Variants in COMMD10 observed in about 807,000 individuals in gnomAD.
The protein encoded by COMMD10 is COMM domain containing 10.
Under a neutral mutation model 28.9 loss-of-function variants are expected in COMMD10, and 33 were observed. The observed-to-expected ratio is 1.14, with a 90% CI of 0.87 to 1.53. COMMD10 has a LOEUF of 1.53. Ranked by LOEUF, COMMD10 falls within the 40% of genes most tolerant of loss-of-function variation. The pLI is 0.00. For synonymous variants in COMMD10, 110 were observed against 81.7 expected (o/e 1.35, Z -1.87); for missense variants, 310 against 233.4 (o/e 1.33, Z -2.14).
At chr5:116,179,267 A>T (rs1322805384) in intron 5 of COMMD10, among the ~76,000 whole-genome samples, 1 of 152,142 alleles carries the variant, frequency 6.6e-6, no homozygotes, top group Non-Finnish European at 1.5e-5. Flanking sequence ...GTGGGAGTTA[A>T]ATAATTTTAA....
intron 5 of COMMD10, among the ~76,000 whole-genome samples, chr5:116,161,728 A>G (rs1752925210): frequency 6.6e-6 from 1 of 152,186 alleles, no homozygotes; most frequent in Admixed American, 6.5e-5. Context: ...CATCCTCATC[A>G]TCTTCATGTT....
chr5:116,193,116 A>G (rs1251370721), intron 5 of COMMD10, among the ~76,000 whole-genome samples: 1 of 152,222 alleles, frequency 6.6e-6, no homozygotes, highest in Admixed American at 6.5e-5. Flanking sequence ...ATGCTGCGTG[A>G]ATTCACCATT....
chr5:116,155,886 A>C (rs1345976280), intron 5 of COMMD10, among the ~76,000 whole-genome samples: 1 of 152,084 alleles, frequency 6.6e-6, no homozygotes, highest in Admixed American at 6.6e-5. Flanking sequence ...TTAATATATC[A>C]CATTTATTAA....
At chr5:116,127,487 A>G (rs1188605378) in intron 4 of COMMD10, among the ~76,000 whole-genome samples, 2 of 152,088 alleles carry the variant, frequency 1.3e-5, no homozygotes, top group Admixed American at 1.3e-4. Flanking sequence ...GCATGTTTAT[A>G]GTGGCACTAT....
chr5:116,291,312 G>A (rs1580366768), intron 5 of COMMD10, among the ~76,000 whole-genome samples: 1 of 152,166 alleles, frequency 6.6e-6, no homozygotes, highest in African/African-American at 2.4e-5. Context: ...AAGGACAGAT[G>A]TCTGTAGAAT....
At position 116,261,049 on chromosome 5, in the gene COMMD10, C is replaced by T. The variant is rs1329935666; in HGVS notation, c.511-30468C>T. Reference sequence around the variant, plus strand: ...CTCTTTTACTTTTTTCTAGTAAAGCCAAGTCCTACTTGAGAGACATCAGTA... The same window carrying T: ...CTCTTTTACTTTTTTCTAGTAAAGCTAAGTCCTACTTGAGAGACATCAGTA... On this transcript the variant is annotated intron_variant, in intron 5 of 6. Coordinates refer to ENST00000274458, the MANE Select transcript of COMMD10 (RefSeq NM_016144.4). Among the ~76,000 whole-genome samples, 4 of 151,680 alleles carry T rather than the reference C, an allele frequency of 2.6e-5. 1 individual carries two copies. The highest frequency in any genetic ancestry group is 9.7e-5 in the African/African-American group (4 of 41,124).
At chr5:116,260,965 G>C (rs1750426679) in intron 5 of COMMD10, among the ~76,000 whole-genome samples, 1 of 151,702 alleles carries the variant, frequency 6.6e-6, no homozygotes, top group African/African-American at 2.4e-5. Flanking sequence ...ATTACTAACA[G>C]ATCTGTGCGA....
At chr5:116,145,867 A>G (rs1752334432) in intron 5 of COMMD10, among the ~76,000 whole-genome samples, 1 of 151,880 alleles carries the variant, frequency 6.6e-6, no homozygotes, top group African/African-American at 2.4e-5. Flanking sequence ...TTCTGCCATG[A>G]TTGTAAGTTT....
At chr5:116,145,286 C>A (rs1360328507) in intron 5 of COMMD10, among the ~76,000 whole-genome samples, 1 of 151,670 alleles carries the variant, frequency 6.6e-6, no homozygotes, top group Non-Finnish European at 1.5e-5. Context: ...TTTGTGATCA[C>A]GACTTTGAGA....
At chr5:116,114,938 T>TG (rs963626417) in intron 4 of COMMD10, among the ~76,000 whole-genome samples, 1 of 152,222 alleles carries the variant, frequency 6.6e-6, no homozygotes, top group African/African-American at 2.4e-5. Context: ...GCTCCCAAGC[T>TG]GGGGGCTGGA....
At chr5:116,132,172 T>G (rs1010903683) in intron 4 of COMMD10, among the ~76,000 whole-genome samples, 12 of 152,022 alleles carry the variant, frequency 7.9e-5, no homozygotes, top group African/African-American at 2.7e-4. Context: ...GGAAAATATT[T>G]GAAAAATATT....
intron 5 of COMMD10, among the ~76,000 whole-genome samples, chr5:116,205,558 A>G (rs1748789565): frequency 6.6e-6 from 1 of 152,158 alleles, no homozygotes; most frequent in African/African-American, 2.4e-5. Context: ...ATGCATATGT[A>G]TATATACATG....
At chr5:116,258,473 G>T (rs1750352238) in intron 5 of COMMD10, among the ~76,000 whole-genome samples, 1 of 151,106 alleles carries the variant, frequency 6.6e-6, no homozygotes, top group Non-Finnish European at 1.5e-5. Context: ...TACTGGAGTT[G>T]ATCATTTAAT....
chr5:116,261,032 C>G (rs1287744792), intron 5 of COMMD10, among the ~76,000 whole-genome samples: 1 of 151,614 alleles, frequency 6.6e-6, no homozygotes, highest in African/African-American at 2.4e-5. Flanking sequence ...TTCTCTTTTA[C>G]TTTTTTCTAG....
rs70978610 is a variant in COMMD10 at position 116,221,081 on chromosome 5, C to CTT, written c.511-70420_511-70419dup. Among the ~76,000 whole-genome samples the CTT allele has an allele frequency of 4.0e-3, 571 of 142,582 alleles. 4 individuals are homozygous for CTT. Among genetic ancestry groups the CTT allele is most frequent in the African/African-American group, 0.013 (499 of 38,308 alleles). The allele number at this position is 142,582 out of a possible 152,430, so 93.5% of individuals were successfully genotyped here. ...CATTAAGTTTTCCCTTTGAGATACTCTTTTTTTTTTTTTTTTTAACTGTTC... is the reference window on the plus strand; with the variant it reads ...CATTAAGTTTTCCCTTTGAGATACTCTTTTTTTTTTTTTTTTTTTAACTGTTC... On this transcript the variant is annotated intron_variant, in intron 5 of 6. Coordinates refer to ENST00000274458, the MANE Select transcript of COMMD10 (RefSeq NM_016144.4).
Position 116,087,620 on chromosome 5 carries a change from C to T in COMMD10, c.132+33C>T, listed in dbSNP as rs1003525816. On this transcript the variant is annotated intron_variant, in intron 2 of 6. Coordinates refer to ENST00000274458, the MANE Select transcript of COMMD10 (RefSeq NM_016144.4). ...TTTGTGTGTTTCCATGCCTTGTAAT[C>T]TTCCTTCTGATTTAATTGAAAGTCT... 3.7e-6 allele frequency: 5 copies of T among 1,369,710 alleles called. No individual in the cohort carries two copies. In the African/African-American group the frequency reaches 4.3e-5, roughly 12 times the overall value. 84.8% of individuals were successfully genotyped at this position (1,369,710 alleles called of 1,614,324 possible).
chr5:116,153,685 G>C (rs902496377), intron 5 of COMMD10, among the ~76,000 whole-genome samples: 4 of 151,956 alleles, frequency 2.6e-5, no homozygotes, highest in African/African-American at 4.8e-5. Context: ...GCTTAATAAA[G>C]TAGCTACTTT....
chr5:116,244,357 A>C (rs1191223365), intron 5 of COMMD10, among the ~76,000 whole-genome samples: 1 of 152,146 alleles, frequency 6.6e-6, no homozygotes, highest in East Asian at 1.9e-4. Context: ...CATTATGTAG[A>C]ACATAAATTC....
chr5:116,269,483 A>G (rs773030435), intron 5 of COMMD10, among the ~76,000 whole-genome samples: 1 of 151,850 alleles, frequency 6.6e-6, no homozygotes, highest in Non-Finnish European at 1.5e-5. Flanking sequence ...AGTAAAATAA[A>G]AAATCTTATG....
Sources: allele counts gnomAD v4.1 joint callset (sites outside exome capture counted in the v4.1 genomes callset), GRCh38; gene constraint gnomAD v4.1.1; transcripts MANE v1.5; gene names NCBI Gene and HGNC (gene_info 2026-07-23, HGNC 2026-07-21).